MRM1: variants seen among roughly 807,000 people sequenced by gnomAD.
MRM1 encodes the protein rRNA methyltransferase 1, mitochondrial.
A neutral mutation model predicts 25.0 loss-of-function variants in MRM1; 24 were observed. The ratio of observed to expected loss-of-function variants is 0.96; its 90% confidence interval spans 0.69 to 1.35. The LOEUF is 1.35. Among genes scored for constraint, MRM1 ranks in the 40% most tolerant of loss-of-function variants. The pLI is 0.00. For synonymous variants in MRM1, 188 were observed against 199.2 expected (o/e 0.94, Z 0.47); for missense variants, 431 against 464.1 (o/e 0.93, Z 0.65).
Position 36,602,155 on chromosome 17 carries a change from C to G in MRM1, c.345C>G (p.Val115=). 1 of 1,613,118 alleles carries G rather than the reference C, an allele frequency of 6.2e-7. No individual in the cohort carries two copies. The highest frequency in any genetic ancestry group is 8.5e-7 in the Non-Finnish European group (1 of 1,179,714). The stretch of plus-strand genomic sequence containing the variant: ...TGGACACAATGTGCCGCTACCAGGT[C>G]CACCAGGGTGTCTGCATGGAGGTGA... ...QKLDTMCRYQ[V]HQGVCMEVSP... The change falls in exon 1 of 5, where the codon GTC becomes GTG. Residue 115 remains valine, a synonymous_variant. Transcript: ENST00000614766. This position sits in a 1 kb window ranked among gnomAD's most constrained non-coding sequence, Gnocchi z 4.1.
intron 2 of MRM1, 116 bp from the exon 3 acceptor site, chr17:36,607,554 T>C (rs1338409829): frequency 3.9e-6 from 5 of 1,280,394 alleles, no homozygotes; most frequent in Non-Finnish European, 5.3e-6. Context: ...ACCCAGGCGG[T>C]TGAGGCTGCG....
chr17:36,613,380 T>C (rs2074988509), downstream of MRM1, among the ~76,000 whole-genome samples: 1 of 152,180 alleles, frequency 6.6e-6, no homozygotes, highest in Non-Finnish European at 1.5e-5. Context: ...GCAATTAGCA[T>C]GCCCATCTGC....
In MRM1 at chr17:36,607,946, C is replaced by G. The variant is rs1006568365; in HGVS notation, c.817C>G (p.Leu273Val). The change falls in exon 4 of 5, where the codon CTT (leucine) becomes GTT (valine). Residue 273 changes from leucine (L) to valine (V), a missense_variant. By Grantham distance (32) the Leu-to-Val change is conservative. Transcript: ENST00000614766. ...CCAGGAGGTGCAGGCCTCCTGCCAG[C>G]TTCTCCTCACCATCCTGCCCCGGCG... ...LSQEVQASCQ[L>V]LLTILPRRQL... is the part of the protein sequence containing the mutation. 6.2e-7 allele frequency: 1 copy of G among 1,614,090 alleles called. No individual in the cohort carries two copies.
chr17:36,629,172 C>T, the MRM1 span, among the ~76,000 whole-genome samples: 1 of 152,188 alleles, frequency 6.6e-6, no homozygotes, highest in African/African-American at 2.4e-5. Context: ...AGATTAGGCT[C>T]TTCGAAAGGT....
chr17:36,624,416 G>C, the MRM1 span, among the ~76,000 whole-genome samples: 5 of 152,220 alleles, frequency 3.3e-5, no homozygotes, highest in Non-Finnish European at 7.3e-5. The surrounding 1 kb of genome is among the most constrained non-coding windows in gnomAD (Gnocchi z 4.0). Context: ...CACTTGCTCA[G>C]TGTCATTGGC....
the MRM1 span, among the ~76,000 whole-genome samples, chr17:36,623,047 G>A: frequency 2.6e-5 from 4 of 152,192 alleles, no homozygotes; most frequent in Non-Finnish European, 5.9e-5. Flanking sequence ...CTGATATGGG[G>A]CACGGGGTAT....
At chr17:36,623,566 G>A in the MRM1 span, among the ~76,000 whole-genome samples, 80 of 152,294 alleles carry the variant, frequency 5.3e-4, no homozygotes, top group Non-Finnish European at 1.5e-5. Context: ...AAGCACTTGA[G>A]GGGTAAGAAT....
At position 36,601,976 on chromosome 17, in the gene MRM1, A is replaced by AAT. The variant is rs1311367042; in HGVS notation, c.166_167insAT (p.Thr56AsnfsTer69). 6.2e-7 allele frequency: 1 copy of AAT among 1,609,258 alleles called. No homozygotes were observed. The highest frequency in any genetic ancestry group is 1.3e-5 in the African/African-American group (1 of 74,376). ...TCGGCTGGAGCTTCTGTTTGGCATGACCCCGTGTCTCCTGGCTCTGCAGGC... is the reference window on the plus strand; with the variant it reads ...TCGGCTGGAGCTTCTGTTTGGCATGAATCCCCGTGTCTCCTGGCTCTGCAGGC... On this transcript the variant is annotated frameshift_variant, in exon 1 of 5. Transcript: ENST00000614766. LOFTEE classifies it high-confidence loss of function.
At chr17:36,620,366 G>C in the MRM1 span, among the ~76,000 whole-genome samples, 1 of 152,174 alleles carries the variant, frequency 6.6e-6, no homozygotes, top group Non-Finnish European at 1.5e-5. Flanking sequence ...TGTTTAGCCA[G>C]GAGCATGGAA....
the MRM1 span, among the ~76,000 whole-genome samples, chr17:36,633,753 CCCGATAGCAG>C: frequency 6.6e-6 from 1 of 152,040 alleles, no homozygotes; most frequent in Non-Finnish European, 1.5e-5. Flanking sequence ...CAGAGCAGTC[CCCGATAGCAG>C]CAGGAATGAA....
chr17:36,625,128 G>A, the MRM1 span, among the ~76,000 whole-genome samples: 1 of 152,164 alleles, frequency 6.6e-6, no homozygotes, highest in South Asian at 2.1e-4. Context: ...ATGTGCTGGA[G>A]GAGTGAGTTC....
Position 36,602,555 on chromosome 17 carries a change from G to T in MRM1, c.545G>T (p.Cys182Phe). 6.2e-7 allele frequency: 1 copy of T among 1,614,196 alleles called. No individual in the cohort carries two copies. The highest frequency in any genetic ancestry group is 8.5e-7 in the Non-Finnish European group (1 of 1,180,032). Reference protein sequence around the residue: ...DKVITSRRNSCPLTPVVSKSS... With the variant: ...DKVITSRRNSFPLTPVVSKSS... The stretch of plus-strand genomic sequence containing the variant: ...CGGGGAACGGGGAAACCTTGCAGCT[G>T]CCCGCTCACTCCAGTAGTCAGCAAG... The change falls in exon 2 of 5, where the codon TGC becomes TTC. Residue 182 changes from cysteine (C) to phenylalanine (F), a missense_variant and splice_region_variant. Transcript: ENST00000614766. This position sits in a 1 kb window ranked among gnomAD's most constrained non-coding sequence, Gnocchi z 4.1.
chr17:36,625,985 GC>G, the MRM1 span, among the ~76,000 whole-genome samples: 61,553 of 148,524 alleles, frequency 0.41, 14,220 homozygotes, highest in African/African-American at 0.62. Context: ...CTCCAGCCAT[GC>G]CCCCCCGCCG....
chr17:36,611,389 C>T (rs1279430918), downstream of MRM1, among the ~76,000 whole-genome samples: 1 of 152,154 alleles, frequency 6.6e-6, no homozygotes, highest in Non-Finnish European at 1.5e-5. Context: ...CTATCTACCC[C>T]CTTCCTTTTC....
At chr17:36,628,612 T>C in the MRM1 span, among the ~76,000 whole-genome samples, 30 of 152,176 alleles carry the variant, frequency 2.0e-4, 1 homozygote, top group East Asian at 5.8e-3. Flanking sequence ...TGCCAGGTGC[T>C]GCAGAAGCGG....
the MRM1 span, among the ~76,000 whole-genome samples, chr17:36,623,701 C>T: frequency 2.6e-5 from 4 of 152,228 alleles, no homozygotes; most frequent in Admixed American, 6.5e-5. Context: ...TGCCCCTGCT[C>T]AGGCATCCTG....
At chr17:36,604,041 C>T (rs547802239) in intron 2 of MRM1, among the ~76,000 whole-genome samples, 2 of 152,354 alleles carry the variant, frequency 1.3e-5, no homozygotes, top group Non-Finnish European at 2.9e-5. Flanking sequence ...TGTCATCCGC[C>T]TGTTGCTGTG....
chr17:36,617,072 G>T, the MRM1 span, among the ~76,000 whole-genome samples: 4 of 152,162 alleles, frequency 2.6e-5, no homozygotes, highest in African/African-American at 9.7e-5. Flanking sequence ...CAGTGGAGGT[G>T]CTGGGAGGCA....
At chr17:36,616,614 G>A in the MRM1 span, among the ~76,000 whole-genome samples, 3 of 152,372 alleles carry the variant, frequency 2.0e-5, no homozygotes, top group East Asian at 1.9e-4. Context: ...CCTGGAAGCC[G>A]TGTGCTTGGA....
Sources: gnomAD v4.1 joint callset for allele counts (sites outside exome capture counted in the v4.1 genomes callset) on GRCh38, gnomAD v4.1.1 for gene constraint, Gnocchi (gnomAD v3.1) non-coding constraint, MANE v1.5 for transcripts, NCBI Gene and HGNC (gene_info 2026-07-23, HGNC 2026-07-21) for gene names.